The following RNF146 variants were observed in gnomAD, a reference collection of about 807,000 sequenced individuals.
RNF146 encodes E3 ubiquitin-protein ligase RNF146.
In RNF146, 11 loss-of-function variants were observed where a neutral mutation model predicts 29.7. That is an observed-to-expected ratio of 0.37 (90% CI 0.23 to 0.61). The LOEUF is 0.61. RNF146 is among the 20% of genes least tolerant of loss of function. The pLI is 0.66. For synonymous variants in RNF146, 150 were observed against 159.7 expected (o/e 0.94, Z 0.46); for missense variants, 342 against 438.9 (o/e 0.78, Z 1.97).
upstream of RNF146, chr6:127,266,813 C>G (rs1037663018): frequency 1.3e-5 from 2 of 151,840 alleles, no homozygotes; most frequent in African/African-American, 4.8e-5. Flanking sequence ...GTCGCGGCCC[C>G]TCCTCCGCGA....
At chr6:127,285,454 C>A in intron 2 of RNF146, 1 of 397,548 alleles carries the variant, frequency 2.5e-6, no homozygotes, top group Non-Finnish European at 3.4e-6. Flanking sequence ...CAATCTCTGA[C>A]ATCTTCATCT....
At chr6:127,266,778 C>A (rs1403878070), upstream of RNF146, 2 of 151,880 alleles carry the variant, frequency 1.3e-5, no homozygotes, top group Non-Finnish European at 2.9e-5. Context: ...GTTAGCTCGC[C>A]GGTGCGGGTG....
At chr6:127,273,186 G>T (rs1003770783) in intron 1 of RNF146, among the ~76,000 whole-genome samples, 4 of 152,164 alleles carry the variant, frequency 2.6e-5, no homozygotes, top group Admixed American at 6.5e-5. Flanking sequence ...ACAAGAACAA[G>T]AGATTACATT....
intron 1 of RNF146, among the ~76,000 whole-genome samples, chr6:127,268,981 A>C (rs1259710106): frequency 1.3e-5 from 2 of 152,216 alleles, no homozygotes; most frequent in Non-Finnish European, 2.9e-5. Context: ...ACTACCAGGA[A>C]ACATCTAACA....
In RNF146 at chr6:127,287,586, C is replaced by T; in HGVS notation, c.973C>T (p.Arg325Ter). The T allele has an allele frequency of 1.2e-6, 2 of 1,612,442 alleles. No homozygotes were observed. Among genetic ancestry groups the T allele is most frequent in the Non-Finnish European group, 1.7e-6 (2 of 1,179,268 alleles). The change falls in exon 3 of 3, where the codon CGA (arginine) becomes TGA (stop). Residue 325 changes from arginine to a stop codon, truncating the protein, a stop_gained. Coordinates refer to ENST00000368314, the MANE Select transcript of RNF146 (RefSeq NM_001242850.2). LOFTEE classifies it high-confidence loss of function. ...TAATGCAAACCAGACAGTACCCGATCGATCAGATCGATCGGGAACTGATCG... is the reference window on the plus strand; with the variant it reads ...TAATGCAAACCAGACAGTACCCGATTGATCAGATCGATCGGGAACTGATCG... ...VSNANQTVPD[R>*]SDRSGTDRSV...
At chr6:127,282,026 A>C (rs1012193973) in intron 2 of RNF146, among the ~76,000 whole-genome samples, 2 of 151,706 alleles carry the variant, frequency 1.3e-5, no homozygotes, top group African/African-American at 2.4e-5. Flanking sequence ...AGGGAAAGAA[A>C]GATGTCTTGG....
rs375457836 is a variant in RNF146 at position 127,287,638 on chromosome 6, G to A, written c.1025G>A (p.Ser342Asn). Residue 342 changes from serine (S) to asparagine (N), a missense_variant, in exon 3 of 3, where the codon AGT becomes AAT. Transcript: ENST00000368314. ...TCAGTAGCAGGGGGTGGAACAGTGA[G>A]TGTCAGTGTCAGATCTAGAAGGCCT... ...DRSVAGGGTV[S>N]VSVRSRRPDG... 1.7e-5 allele frequency: 27 copies of A among 1,609,964 alleles called. No individual in the cohort carries two copies. The African/African-American group carries it at 2.7e-4, about 16-fold the overall frequency.
intron 2 of RNF146, among the ~76,000 whole-genome samples, chr6:127,284,855 C>A (rs1400611200): frequency 6.6e-6 from 1 of 151,784 alleles, no homozygotes; most frequent in East Asian, 1.9e-4. Flanking sequence ...AATTCATAAG[C>A]TTTCTTAAAA....
intron 1 of RNF146, among the ~76,000 whole-genome samples, chr6:127,270,819 GA>G (rs1210879612): frequency 2.0e-5 from 3 of 149,850 alleles, no homozygotes; most frequent in Admixed American, 6.6e-5. Context: ...TCTTCCTTAT[GA>G]TTTTTTTTTT....
intron 1 of RNF146, chr6:127,267,234 C>G (rs560822937): frequency 6.6e-6 from 1 of 152,178 alleles, no homozygotes; most frequent in Non-Finnish European, 1.5e-5. Context: ...CTGCGCTGCC[C>G]GAGGGCGCCG....
At chr6:127,277,943 G>A (rs1237023103) in intron 1 of RNF146, among the ~76,000 whole-genome samples, 1 of 152,052 alleles carries the variant, frequency 6.6e-6, no homozygotes, top group African/African-American at 2.4e-5. Flanking sequence ...GGTAGGATAA[G>A]TCAGCTTGTA....
At chr6:127,282,161 T>G (rs928650187) in intron 2 of RNF146, 4 of 151,692 alleles carry the variant, frequency 2.6e-5, no homozygotes, top group Non-Finnish European at 5.9e-5. Flanking sequence ...TCACTTAGAG[T>G]AACTTGCTTG....
intron 2 of RNF146, among the ~76,000 whole-genome samples, chr6:127,284,562 A>ACCTTTCTGAG (rs1779280735): frequency 6.6e-6 from 1 of 151,898 alleles, no homozygotes; most frequent in South Asian, 2.1e-4. Flanking sequence ...AAGGGATGAA[A>ACCTTTCTGAG]GTTTCTGAAA....
intron 1 of RNF146, among the ~76,000 whole-genome samples, chr6:127,276,945 G>C (rs953086624): frequency 3.3e-5 from 5 of 152,008 alleles, no homozygotes. Flanking sequence ...AAGGAAAGGG[G>C]CTGAGAATAT....
chr6:127,267,675 C>T (rs556710508), intron 1 of RNF146, among the ~76,000 whole-genome samples: 11 of 152,314 alleles, frequency 7.2e-5, no homozygotes, highest in Middle Eastern at 6.8e-3. Context: ...TAGTGAAGCC[C>T]AGCGCTGCAT....
chr6:127,279,700 T>C (rs1437163998), intron 1 of RNF146, among the ~76,000 whole-genome samples: 1 of 151,888 alleles, frequency 6.6e-6, no homozygotes, highest in African/African-American at 2.4e-5. Flanking sequence ...TTTTAATATG[T>C]TAAGTCTTCC....
At position 127,287,190 on chromosome 6, in the gene RNF146, G is replaced by C. The variant is rs759899912; in HGVS notation, c.577G>C (p.Ala193Pro). ...LDCDANTVNL[A>P]RESSADGADS... ...CTGTGATGCTAATACCGTAAACCTA[G>C]CAAGAGAGAGCTCTGCTGACGGAGC... Residue 193 changes from alanine to proline, a missense_variant, in exon 3 of 3, where the codon GCA becomes CCA. Physicochemically the swap from Ala to Pro is conservative, Grantham distance 27. Coordinates refer to ENST00000368314, the MANE Select transcript of RNF146 (RefSeq NM_001242850.2). 6 of 1,613,396 alleles carry C rather than the reference G, an allele frequency of 3.7e-6. No homozygotes were observed. Among genetic ancestry groups the C allele is most frequent in the Non-Finnish European group, 5.1e-6 (6 of 1,179,622 alleles).
chr6:127,272,855 G>A (rs1406102081), intron 1 of RNF146, among the ~76,000 whole-genome samples: 7 of 152,150 alleles, frequency 4.6e-5, no homozygotes, highest in Admixed American at 1.3e-4. Flanking sequence ...CAGTTAACAC[G>A]TTGTTTGTTA....
At chr6:127,267,573 CT>C (rs1172980938) in intron 1 of RNF146, among the ~76,000 whole-genome samples, 1 of 152,074 alleles carries the variant, frequency 6.6e-6, no homozygotes, top group African/African-American at 2.4e-5. Flanking sequence ...CTGGCTGCTG[CT>C]TTCTCTTCTC....
Sources: allele counts gnomAD v4.1 joint callset (sites outside exome capture counted in the v4.1 genomes callset), GRCh38; gene constraint gnomAD v4.1.1; transcripts MANE v1.5; gene names NCBI Gene and HGNC (gene_info 2026-07-23, HGNC 2026-07-21).